SAMD3: variants seen among roughly 807,000 people sequenced by gnomAD.
SAMD3 encodes the protein sterile alpha motif domain containing 3, also known as sterile alpha motif domain-containing protein 3.
SAMD3 carries 63 observed loss-of-function variants against 58.5 expected under a neutral mutation model. That is an observed-to-expected ratio of 1.08 (90% CI 0.88 to 1.33). The LOEUF is 1.33. Ranked by LOEUF, SAMD3 falls within the 40% of genes most tolerant of loss-of-function variation. The probability of loss-of-function intolerance (pLI) is 0.00; values close to 1 mark genes in which losing one functional copy is unlikely to be tolerated. For synonymous variants in SAMD3, 220 were observed against 210.3 expected (o/e 1.05, Z -0.40); for missense variants, 604 against 608.4 (o/e 0.99, Z 0.08).
chr6:130,251,391 A>G (rs939409508), intron 2 of SAMD3, among the ~76,000 whole-genome samples: 4 of 152,116 alleles, frequency 2.6e-5, no homozygotes, highest in South Asian at 2.1e-4. Flanking sequence ...GATGAAGTCT[A>G]ATTTATCTAG....
chr6:130,267,497 G>T (rs1016132375), intron 2 of SAMD3, among the ~76,000 whole-genome samples: 1 of 152,080 alleles, frequency 6.6e-6, no homozygotes. Context: ...GTCTCAAAGT[G>T]GGGAAATGAG....
chr6:130,162,315 T>C (rs1204592167), intron 8 of SAMD3: 3 of 701,250 alleles, frequency 4.3e-6, no homozygotes, highest in Non-Finnish European at 7.8e-6. Context: ...CTAAGTTTGA[T>C]TTCAACAGAA....
At chr6:130,211,359 C>G (rs1795543214) in intron 4 of SAMD3, among the ~76,000 whole-genome samples, 1 of 149,446 alleles carries the variant, frequency 6.7e-6, no homozygotes, top group South Asian at 2.2e-4. Flanking sequence ...TCTTGGCTCA[C>G]TGCAACCTCT....
At chr6:130,162,246 T>C (rs944921248) in intron 8 of SAMD3, 9 of 701,740 alleles carry the variant, frequency 1.3e-5, no homozygotes, top group African/African-American at 7.0e-5. Flanking sequence ...CAGAGCATAG[T>C]TCTAGCCAAC....
intron 2 of SAMD3, among the ~76,000 whole-genome samples, chr6:130,275,668 T>C (rs1257035746): frequency 2.6e-5 from 4 of 152,146 alleles, no homozygotes; most frequent in Non-Finnish European, 5.9e-5. Flanking sequence ...TTATAATTAT[T>C]AAATCACCTA....
chr6:130,150,736 G>A (rs1243084919), intron 9 of SAMD3, among the ~76,000 whole-genome samples: 1 of 146,136 alleles, frequency 6.8e-6, no homozygotes, highest in Non-Finnish European at 1.5e-5. Flanking sequence ...TTTTGAGACA[G>A]AATCTCACTC....
chr6:130,248,089 T>C (rs1291553464), intron 2 of SAMD3, among the ~76,000 whole-genome samples: 1 of 152,188 alleles, frequency 6.6e-6, no homozygotes, highest in Non-Finnish European at 1.5e-5. Flanking sequence ...TTCATACATC[T>C]GCTTTCCCTT....
At chr6:130,172,073 T>A (rs1477260815) in intron 8 of SAMD3, among the ~76,000 whole-genome samples, 2 of 152,222 alleles carry the variant, frequency 1.3e-5, no homozygotes, top group African/African-American at 2.4e-5. Flanking sequence ...TAAATATTCC[T>A]CCATCCCTTT....
intron 1 of SAMD3, among the ~76,000 whole-genome samples, chr6:130,351,841 A>G (rs1777679825): frequency 6.6e-6 from 1 of 152,198 alleles, no homozygotes; most frequent in Admixed American, 6.5e-5. Context: ...AGACTGGATT[A>G]AGAAAATGTG....
At chr6:130,284,197 A>C (rs917068770) in intron 2 of SAMD3, among the ~76,000 whole-genome samples, 4 of 152,334 alleles carry the variant, frequency 2.6e-5, no homozygotes, top group Middle Eastern at 3.4e-3. Context: ...ATGGTTATTA[A>C]TTTTGGTAAT....
At chr6:130,340,108 T>TGG (rs1777223732) in intron 1 of SAMD3, among the ~76,000 whole-genome samples, 1 of 152,232 alleles carries the variant, frequency 6.6e-6, no homozygotes, top group Non-Finnish European at 1.5e-5. Context: ...TGGTTTACAA[T>TGG]ATGTGTTCAA....
chr6:130,323,450 T>C (rs913216541), intron 1 of SAMD3, among the ~76,000 whole-genome samples: 1 of 152,156 alleles, frequency 6.6e-6, no homozygotes, highest in Non-Finnish European at 1.5e-5. Flanking sequence ...TCCAATTTTT[T>C]TTTTTTTTGT....
chr6:130,184,542 A>T lies in SAMD3; in HGVS notation c.465T>A (p.Asp155Glu). ...KSYVLPEFPY[D>E]VKCMLAEQKC... is the part of the protein sequence containing the mutation. ...TCTGCTCTGCTAACATGCATTTGAC[A>T]TCATAGGGAAACTCTGGTAAAACAT... Residue 155 changes from aspartate (D) to glutamate (E), a missense_variant, in exon 6 of 12, where the codon GAT (aspartate) becomes GAA (glutamate). Asp to Glu is a conservative substitution (Grantham distance 45). Coordinates refer to ENST00000439090, the MANE Select transcript of SAMD3 (RefSeq NM_001017373.4). 1 of 1,614,158 alleles carries T rather than the reference A, an allele frequency of 6.2e-7. No individual in the cohort carries two copies. Among genetic ancestry groups the T allele is most frequent in the Non-Finnish European group, 8.5e-7 (1 of 1,179,968 alleles).
chr6:130,231,451 C>T (rs1796545794), intron 2 of SAMD3, among the ~76,000 whole-genome samples: 1 of 152,082 alleles, frequency 6.6e-6, no homozygotes, highest in Non-Finnish European at 1.5e-5. Context: ...GTAATCCCAG[C>T]TACTGGGGAG....
chr6:130,161,579 A>G (rs928391752), intron 8 of SAMD3: 3 of 152,210 alleles, frequency 2.0e-5, no homozygotes, highest in Admixed American at 6.6e-5. Context: ...ATCAGAATTT[A>G]AAATTCTCAC....
In SAMD3 at chr6:130,218,797, C is replaced by G. The variant is rs142744506; in HGVS notation, c.-67-2181G>C. On this transcript the variant is annotated intron_variant, in intron 1 of 11. Coordinates refer to ENST00000439090, the MANE Select transcript of SAMD3 (RefSeq NM_001017373.4). ...GAGAAAGCAGGATCAATATAATGAACTCAAAGTAAAAAAAACCAGAAAAAA... is the reference window on the plus strand; with the variant it reads ...GAGAAAGCAGGATCAATATAATGAAGTCAAAGTAAAAAAAACCAGAAAAAA... 5.0e-3 allele frequency among the ~76,000 whole-genome samples: 759 copies of G among 151,984 alleles called. 4 individuals carry two copies. Among genetic ancestry groups the G allele is most frequent in the Non-Finnish European group, 8.2e-3 (556 of 67,980 alleles).
chr6:130,318,683 C>T (rs1776476201), intron 1 of SAMD3, among the ~76,000 whole-genome samples: 1 of 152,208 alleles, frequency 6.6e-6, no homozygotes, highest in South Asian at 2.1e-4. Context: ...CTCACCTTGT[C>T]CTCCCAAAGT....
chr6:130,357,303 T>C (rs1777862647), intron 1 of SAMD3, among the ~76,000 whole-genome samples: 1 of 151,986 alleles, frequency 6.6e-6, no homozygotes, highest in Non-Finnish European at 1.5e-5. Flanking sequence ...TTTTTGTATT[T>C]TTAGTAGAGA....
intron 1 of SAMD3, among the ~76,000 whole-genome samples, chr6:130,356,443 A>G (rs1371388703): frequency 6.6e-6 from 1 of 152,182 alleles, no homozygotes; most frequent in African/African-American, 2.4e-5. Flanking sequence ...ATAAAACCAC[A>G]TTCTCATCCC....
Sources: gnomAD v4.1 joint callset for allele counts (sites outside exome capture counted in the v4.1 genomes callset) on GRCh38, gnomAD v4.1.1 for gene constraint, MANE v1.5 for transcripts, NCBI Gene and HGNC (gene_info 2026-07-23, HGNC 2026-07-21) for gene names.